The following ACER3 variants were observed in gnomAD, a reference collection of about 807,000 sequenced individuals.
ACER3 encodes the protein alkCDase 3.
ACER3 carries 16 observed loss-of-function variants against 48.9 expected under a neutral mutation model. The ratio of observed to expected loss-of-function variants is 0.33; its 90% CI spans 0.22 to 0.50. The LOEUF (loss-of-function observed/expected upper bound fraction) is 0.50, where lower values mean the gene tolerates loss of function less well. Ranked by LOEUF, ACER3 falls within the 20% of genes least tolerant of loss-of-function variation. The pLI is 0.98. For synonymous variants in ACER3, 109 were observed against 107.8 expected, an observed-to-expected ratio of 1.01 and a Z score of -0.07; for missense variants, 227 against 326.0, an observed-to-expected ratio of 0.70 and a Z score of 2.34.
intron 7 of ACER3, among the ~76,000 whole-genome samples, chr11:76,999,190 A>G (rs988386984): frequency 6.6e-6 from 1 of 152,258 alleles, no homozygotes; most frequent in East Asian, 1.9e-4. Context: ...TTCCTTTTAC[A>G]TAGTACCTCC....
intron 1 of ACER3, among the ~76,000 whole-genome samples, chr11:76,918,666 T>C (rs1946603374): frequency 6.6e-6 from 1 of 152,152 alleles, no homozygotes; most frequent in African/African-American, 2.4e-5. Flanking sequence ...ATCTTTCTCA[T>C]ATCAAATAAT....
chr11:76,991,386 CT>C (rs2135228599), intron 6 of ACER3, among the ~76,000 whole-genome samples: 1 of 152,280 alleles, frequency 6.6e-6, no homozygotes, highest in Non-Finnish European at 1.5e-5. Flanking sequence ...GTTCTTGTAA[CT>C]TTTACAATTC....
intron 1 of ACER3, among the ~76,000 whole-genome samples, chr11:76,866,414 G>T (rs1230271276): frequency 1.3e-5 from 2 of 152,180 alleles, no homozygotes; most frequent in Non-Finnish European, 2.9e-5. Flanking sequence ...CACTGTGACT[G>T]ATCATCAACA....
At chr11:76,967,192 A>G (rs1007039711) in intron 3 of ACER3, among the ~76,000 whole-genome samples, 2 of 152,222 alleles carry the variant, frequency 1.3e-5, no homozygotes, top group African/African-American at 4.8e-5. Context: ...CTATGCCAAT[A>G]AACTAGAAAA....
intron 1 of ACER3, among the ~76,000 whole-genome samples, chr11:76,878,051 A>G (rs1368181939): frequency 2.0e-5 from 3 of 152,036 alleles, no homozygotes; most frequent in African/African-American, 4.8e-5. Flanking sequence ...CCACTGTATG[A>G]ATACATTCAT....
chr11:76,991,657 A>T (rs1377791240), intron 6 of ACER3, among the ~76,000 whole-genome samples: 1 of 151,930 alleles, frequency 6.6e-6, no homozygotes, highest in Non-Finnish European at 1.5e-5. Context: ...CTCTACTAAA[A>T]ATACAAAAAT....
intron 1 of ACER3, among the ~76,000 whole-genome samples, chr11:76,886,594 G>A (rs963455437): frequency 2.0e-5 from 3 of 152,312 alleles, no homozygotes; most frequent in Admixed American, 2.0e-4. Context: ...CATAGTGGGA[G>A]ACTAGGATTG....
At chr11:76,957,547 G>A (rs72945464) in intron 2 of ACER3, 4,333 of 427,938 alleles carry the variant, frequency 0.01, 24 homozygotes, top group Non-Finnish European at 0.015. Context: ...AGGTTTACGC[G>A]ATCCTTCTGC....
At chr11:76,932,058 C>G (rs1467566446) in intron 2 of ACER3, among the ~76,000 whole-genome samples, 4 of 151,706 alleles carry the variant, frequency 2.6e-5, no homozygotes, top group Non-Finnish European at 5.9e-5. Context: ...AAGCGATCCT[C>G]CTACCTTAGC....
At chr11:76,946,573 G>A (rs930714676) in intron 2 of ACER3, among the ~76,000 whole-genome samples, 1 of 152,200 alleles carries the variant, frequency 6.6e-6, no homozygotes, top group African/African-American at 2.4e-5. Flanking sequence ...GCCCCTTCCA[G>A]GTAAGCAGTG....
intron 4 of ACER3, among the ~76,000 whole-genome samples, chr11:76,978,039 A>G (rs1021670610): frequency 1.3e-5 from 2 of 152,132 alleles, no homozygotes; most frequent in South Asian, 2.1e-4. Context: ...GGCACTGACA[A>G]GCATGGGAGG....
At chr11:76,868,161 G>A (rs1459562147) in intron 1 of ACER3, 1 of 1,289,680 alleles carries the variant, frequency 7.8e-7, no homozygotes. Context: ...CCTCAAGTTA[G>A]TGAGCACACA....
intron 1 of ACER3, among the ~76,000 whole-genome samples, chr11:76,877,796 G>C (rs925563086): frequency 3.9e-5 from 6 of 152,030 alleles, no homozygotes; most frequent in Admixed American, 3.3e-4. Context: ...GAGATAACCA[G>C]TATACTTAAT....
intron 1 of ACER3, among the ~76,000 whole-genome samples, chr11:76,862,299 AAG>A (rs1231500846): frequency 9.5e-4 from 141 of 147,832 alleles, no homozygotes; most frequent in African/African-American, 3.4e-3. Context: ...AAAAAAAAAA[AAG>A]AACACTTTTT....
chr11:76,868,276 C>T (rs1381283720), intron 1 of ACER3: 45 of 1,280,136 alleles, frequency 3.5e-5, no homozygotes, highest in Non-Finnish European at 4.5e-5. Flanking sequence ...AGGCAAGCAG[C>T]ACTGCCTCCA....
At chr11:76,865,059 G>A (rs925589624) in intron 1 of ACER3, among the ~76,000 whole-genome samples, 9 of 149,894 alleles carry the variant, frequency 6.0e-5, no homozygotes, top group African/African-American at 1.2e-4. Flanking sequence ...CTGCAGCCTC[G>A]ACCTCCCAGG....
intron 2 of ACER3, chr11:76,955,324 A>G (rs1008711132): frequency 2.6e-5 from 4 of 152,250 alleles, no homozygotes; most frequent in Non-Finnish European, 5.9e-5. Flanking sequence ...AATATGTGAA[A>G]TACAATATGT....
chr11:77,024,206 A>G lies in ACER3; in HGVS notation c.*3879A>G, dbSNP rs1466370667. 1 of 138,848 alleles carries G rather than the reference A, an allele frequency of 7.2e-6. No individual in the cohort carries two copies. Among genetic ancestry groups the G allele is most frequent in the Admixed American group, 8.0e-5 (1 of 12,478 alleles). The allele number at this position is 138,848 out of a possible 1,614,324, so 8.6% of individuals were successfully genotyped here. On this transcript the variant is annotated 3_prime_UTR_variant, in exon 11 of 11. Transcript: ENST00000532485. ...GTCATCTTGACCCAGCTGACTGGAA[A>G]TTTTCAATACTGTCTTTTAACTGTT... is the stretch of plus-strand genomic sequence containing the variant.
chr11:77,012,277 G>T (rs782320210), intron 7 of ACER3, among the ~76,000 whole-genome samples: 1 of 151,972 alleles, frequency 6.6e-6, no homozygotes, highest in Non-Finnish European at 1.5e-5. Flanking sequence ...AATTAGCTAG[G>T]CATGGTGGCG....
Sources: gnomAD v4.1 joint callset for allele counts (sites outside exome capture counted in the v4.1 genomes callset) on GRCh38, gnomAD v4.1.1 for gene constraint, MANE v1.5 for transcripts, NCBI Gene and HGNC (gene_info 2026-07-23, HGNC 2026-07-21) for gene names.